RSU1: variants seen among roughly 807,000 people sequenced by gnomAD.
RSU1 encodes Ras suppressor protein 1.
Under a neutral mutation model 31.1 loss-of-function variants are expected in RSU1, and 26 were observed. The observed-to-expected ratio is 0.84, with a 90% CI of 0.61 to 1.16. RSU1 has a LOEUF of 1.16. Ranked by LOEUF, RSU1 falls within the 50% of genes most tolerant of loss-of-function variation. The pLI, the probability that RSU1 is intolerant of heterozygous loss-of-function variation, is 0.00. For missense variants in RSU1, 320 were observed against 339.1 expected, an observed-to-expected ratio of 0.94 and a Z score of 0.44; for synonymous variants, 164 against 136.3, an observed-to-expected ratio of 1.20 and a Z score of -1.41.
intron 8 of RSU1, among the ~76,000 whole-genome samples, chr10:16,650,798 G>A (rs1834671745): frequency 6.6e-6 from 1 of 151,942 alleles, no homozygotes; most frequent in Non-Finnish European, 1.5e-5. Context: ...AACCAGGATG[G>A]TCTTGATCTC....
chr10:16,759,888 A>C (rs528947642), intron 4 of RSU1, among the ~76,000 whole-genome samples: 16 of 124,154 alleles, frequency 1.3e-4, no homozygotes, highest in Non-Finnish European at 2.8e-4. Context: ...TGGATCACAC[A>C]TACAAGTGGC....
chr10:16,749,261 C>T (rs562676958), intron 7 of RSU1, among the ~76,000 whole-genome samples: 8 of 152,308 alleles, frequency 5.3e-5, no homozygotes, highest in South Asian at 2.1e-4. Flanking sequence ...AACACAATCA[C>T]GTATTAAACC....
intron 8 of RSU1, among the ~76,000 whole-genome samples, chr10:16,660,979 C>T (rs1334496042): frequency 1.3e-5 from 2 of 151,954 alleles, no homozygotes; most frequent in Admixed American, 6.6e-5. Context: ...TGTGTAATAC[C>T]CTTTTAACCT....
intron 2 of RSU1, 69 bp from the exon 3 acceptor site, chr10:16,782,153 T>G: frequency 7.9e-7 from 1 of 1,269,930 alleles, no homozygotes; most frequent in Admixed American, 1.9e-5. Flanking sequence ...CTACCTGTAC[T>G]CCTACAAAGC....
At chr10:16,635,532 C>T (rs1834331050) in intron 8 of RSU1, among the ~76,000 whole-genome samples, 1 of 152,250 alleles carries the variant, frequency 6.6e-6, no homozygotes, top group Non-Finnish European at 1.5e-5. Flanking sequence ...GTCGCTGGGA[C>T]TCTGGCCAAG....
chr10:16,787,204 T>C (rs1837808577), intron 2 of RSU1, among the ~76,000 whole-genome samples: 1 of 152,186 alleles, frequency 6.6e-6, no homozygotes. Context: ...GCTTTCTTCC[T>C]ACAGCTGAAC....
chr10:16,695,159 G>C lies in RSU1; in HGVS notation c.599-4C>G, dbSNP rs779459591. Reference sequence around the variant, plus strand: ...TGGCCAGTTAAATCCAAGTTTCCTGGGGGGGGGGAAAAAAAAAGTGAAGGT... The same window carrying C: ...TGGCCAGTTAAATCCAAGTTTCCTGCGGGGGGGGAAAAAAAAAGTGAAGGT... On this transcript the variant is annotated splice_region_variant and splice_polypyrimidine_tract_variant and intron_variant, in intron 7 of 8. Coordinates refer to ENST00000345264, the MANE Select transcript of RSU1 (RefSeq NM_012425.4). 214 of 1,309,902 alleles carry C rather than the reference G, an allele frequency of 1.6e-4. 1 individual carries two copies. In the African/African-American group the frequency reaches 2.1e-3, roughly 13 times the overall value. The allele number at this position is 1,309,902 out of a possible 1,614,324, so 81.1% of individuals were successfully genotyped here.
intron 2 of RSU1, among the ~76,000 whole-genome samples, chr10:16,794,771 C>T (rs940399219): frequency 9.2e-5 from 14 of 152,194 alleles, no homozygotes; most frequent in African/African-American, 2.9e-4. Context: ...TCCTTTATGA[C>T]AGCAATTCCA....
At chr10:16,641,965 G>C (rs1276462307) in intron 8 of RSU1, among the ~76,000 whole-genome samples, 1 of 152,202 alleles carries the variant, frequency 6.6e-6, no homozygotes, top group Non-Finnish European at 1.5e-5. Context: ...TGTGAAAAGT[G>C]TCCCACAGGA....
intron 7 of RSU1, among the ~76,000 whole-genome samples, chr10:16,731,955 TC>T (rs1836520314): frequency 6.6e-6 from 1 of 152,312 alleles, no homozygotes; most frequent in Non-Finnish European, 1.5e-5. Context: ...ATACAATTTT[TC>T]CTAGACAGAA....
At chr10:16,617,272 T>A (rs1303656287) in intron 8 of RSU1, among the ~76,000 whole-genome samples, 1 of 152,114 alleles carries the variant, frequency 6.6e-6, no homozygotes, top group African/African-American at 2.4e-5. Context: ...GGAATCCACC[T>A]TACAAGGGAT....
chr10:16,732,261 T>C (rs951061823), intron 7 of RSU1, among the ~76,000 whole-genome samples: 1 of 152,234 alleles, frequency 6.6e-6, no homozygotes, highest in East Asian at 1.9e-4. Flanking sequence ...GATTCTGCTA[T>C]GTGCCAGCTA....
intron 7 of RSU1, among the ~76,000 whole-genome samples, chr10:16,711,955 G>C (rs895491101): frequency 6.6e-6 from 1 of 152,052 alleles, no homozygotes; most frequent in African/African-American, 2.4e-5. Flanking sequence ...TTTTATAATT[G>C]TATTGCAGTT....
At chr10:16,671,951 T>C (rs530172524) in intron 8 of RSU1, among the ~76,000 whole-genome samples, 14 of 151,056 alleles carry the variant, frequency 9.3e-5, no homozygotes, top group African/African-American at 2.4e-4. Context: ...AAGTGAGAAA[T>C]TGTATATCAG....
chr10:16,733,937 C>T (rs1836573515), intron 7 of RSU1, among the ~76,000 whole-genome samples: 1 of 152,212 alleles, frequency 6.6e-6, no homozygotes, highest in South Asian at 2.1e-4. Flanking sequence ...GCTTTCAATT[C>T]AGTCAACCAA....
intron 5 of RSU1, among the ~76,000 whole-genome samples, chr10:16,754,249 T>C (rs1837036535): frequency 6.6e-6 from 1 of 152,166 alleles, no homozygotes; most frequent in East Asian, 1.9e-4. Context: ...TTGTCCAAAA[T>C]AGTGCATGAG....
intron 8 of RSU1, among the ~76,000 whole-genome samples, chr10:16,622,950 T>C (rs188637850): frequency 6.6e-6 from 1 of 152,322 alleles, no homozygotes; most frequent in African/African-American, 2.4e-5. Context: ...GAGAGCTGCA[T>C]GTGAGACTAC....
intron 8 of RSU1, among the ~76,000 whole-genome samples, chr10:16,637,258 A>G (rs1834358715): frequency 6.6e-6 from 1 of 152,208 alleles, no homozygotes; most frequent in South Asian, 2.1e-4. Flanking sequence ...TTAATTCAGT[A>G]AACATTCATG....
intron 7 of RSU1, among the ~76,000 whole-genome samples, chr10:16,709,367 T>G (rs1421663203): frequency 6.6e-6 from 1 of 152,226 alleles, no homozygotes; most frequent in Non-Finnish European, 1.5e-5. Context: ...GGTGTATATG[T>G]GCCACATTTT....
Sources: gnomAD v4.1 joint callset for allele counts (sites outside exome capture counted in the v4.1 genomes callset) on GRCh38, gnomAD v4.1.1 for gene constraint, MANE v1.5 for transcripts, NCBI Gene and HGNC (gene_info 2026-07-23, HGNC 2026-07-21) for gene names.